IGF1: variants seen among roughly 807,000 people sequenced by gnomAD.
IGF1 encodes the protein insulin like growth factor 1.
IGF1 carries 4 observed loss-of-function variants against 13.8 expected under a neutral mutation model. The observed-to-expected ratio is 0.29, with a 90% CI of 0.14 to 0.66. The LOEUF is 0.66. Ranked by LOEUF, IGF1 falls within the 30% of genes least tolerant of loss-of-function variation. IGF1 has a pLI of 0.78. For missense variants in IGF1, 124 were observed against 188.5 expected, an observed-to-expected ratio of 0.66 and a Z score of 2.00; for synonymous variants, 76 against 72.6, an observed-to-expected ratio of 1.05 and a Z score of -0.23.
At chr12:102,406,789 GA>G (rs1565961231) in intron 3 of IGF1, among the ~76,000 whole-genome samples, 1 of 152,012 alleles carries the variant, frequency 6.6e-6, no homozygotes, top group East Asian at 1.9e-4. Flanking sequence ...GCTATCCACA[GA>G]CTTTTCAATT....
At chr12:102,403,885 A>G (rs574486827) in intron 3 of IGF1, among the ~76,000 whole-genome samples, 6 of 152,288 alleles carry the variant, frequency 3.9e-5, no homozygotes, top group African/African-American at 1.4e-4. Flanking sequence ...CAGGTGCTCA[A>G]TAAATATCTG....
intron 3 of IGF1, among the ~76,000 whole-genome samples, chr12:102,411,992 T>A (rs956122835): frequency 2.6e-5 from 4 of 152,160 alleles, no homozygotes; most frequent in African/African-American, 4.8e-5. Flanking sequence ...TTGTAATGGG[T>A]CAATAATTAG....
At chr12:102,480,773 G>A (rs559565782), upstream of IGF1, 5 of 358,100 alleles carry the variant, frequency 1.4e-5, no homozygotes, top group African/African-American at 4.1e-5. Context: ...AAGAATGTGT[G>A]TTAGTGACAG....
intron 2 of IGF1, among the ~76,000 whole-genome samples, chr12:102,438,506 A>G (rs1419414509): frequency 6.6e-6 from 1 of 152,260 alleles, no homozygotes; most frequent in East Asian, 1.9e-4. Context: ...CAAGTTCCAC[A>G]GTGAAGAAAT....
intron 1 of IGF1, among the ~76,000 whole-genome samples, chr12:102,478,046 T>TA (rs1881175566): frequency 6.6e-6 from 1 of 150,498 alleles, no homozygotes; most frequent in South Asian, 2.1e-4. Context: ...TCTCAGTACT[T>TA]ACAGTTCTAG....
chr12:102,449,508 C>T (rs1012078741), intron 2 of IGF1, among the ~76,000 whole-genome samples: 3 of 151,790 alleles, frequency 2.0e-5, no homozygotes, highest in Admixed American at 6.6e-5. Flanking sequence ...GAAACCTGCA[C>T]ATTCTGCACG....
chr12:102,468,266 C>G lies in IGF1; in HGVS notation c.220+7377G>C, dbSNP rs529909015. Among the ~76,000 whole-genome samples the G allele has an allele frequency of 1.1e-4, 16 of 152,304 alleles. No individual in the cohort carries two copies. In the South Asian group the frequency reaches 3.1e-3, roughly 30 times the overall value. ...CTGGTTGCACAATTTCTCTTTGTGT[C>G]TGTGCTGCTGATGATCAAATATTGC... On this transcript the variant is annotated intron_variant, in intron 2 of 3. Coordinates refer to ENST00000337514, the MANE Select transcript of IGF1 (RefSeq NM_000618.5).
chr12:102,430,049 C>T (rs1490444588), intron 2 of IGF1, among the ~76,000 whole-genome samples: 2 of 152,114 alleles, frequency 1.3e-5, no homozygotes, highest in Non-Finnish European at 2.9e-5. Flanking sequence ...TGCTTGTGGG[C>T]CATTTTATTT....
chr12:102,470,958 C>G (rs1188039131), intron 2 of IGF1, among the ~76,000 whole-genome samples: 2 of 152,170 alleles, frequency 1.3e-5, no homozygotes, highest in Admixed American at 6.5e-5. Flanking sequence ...AAGATGAGAA[C>G]TGTCAGTGGG....
chr12:102,465,504 G>C (rs1236323077), intron 2 of IGF1, among the ~76,000 whole-genome samples: 1 of 152,200 alleles, frequency 6.6e-6, no homozygotes, highest in Non-Finnish European at 1.5e-5. Flanking sequence ...TTGAATGACT[G>C]TGATAGGACT....
chr12:102,400,750 A>T lies in IGF1; in HGVS notation c.*1757T>A, dbSNP rs1873616905. 1 of 152,168 alleles carries T rather than the reference A, an allele frequency of 6.6e-6. No individual in the cohort carries two copies. Among genetic ancestry groups the T allele is most frequent in the Non-Finnish European group, 1.5e-5 (1 of 68,026 alleles). The allele number at this position is 152,168 out of a possible 1,614,324, so 9.4% of individuals were successfully genotyped here. A position where few individuals can be genotyped will look rare whatever the true frequency, so the allele number is the denominator to read the frequency against. ...ATAGTATTAAACGAGGTTTTACTAG[A>T]TATGTAGTAACTGCATAGAAGAGTC... On this transcript the variant is annotated 3_prime_UTR_variant, in exon 4 of 4. Transcript: ENST00000337514.
At chr12:102,463,765 G>T (rs1259807576) in intron 2 of IGF1, among the ~76,000 whole-genome samples, 1 of 152,212 alleles carries the variant, frequency 6.6e-6, no homozygotes, top group Admixed American at 6.5e-5. Context: ...GTTTATTGAG[G>T]TTAAGTTTAA....
chr12:102,444,293 T>C (rs1878127060), intron 2 of IGF1, among the ~76,000 whole-genome samples: 1 of 151,894 alleles, frequency 6.6e-6, no homozygotes, highest in Non-Finnish European at 1.5e-5. Flanking sequence ...GCAGTTCTTT[T>C]CTAGGAAATG....
intron 3 of IGF1, among the ~76,000 whole-genome samples, chr12:102,412,146 A>T (rs933745958): frequency 2.0e-5 from 3 of 152,110 alleles, no homozygotes; most frequent in Non-Finnish European, 4.4e-5. Context: ...TAAAAAGAAA[A>T]CCAACTTATT....
chr12:102,455,212 G>A (rs886438505), intron 2 of IGF1, among the ~76,000 whole-genome samples: 1 of 152,224 alleles, frequency 6.6e-6, no homozygotes, highest in Non-Finnish European at 1.5e-5. Context: ...CAAACTTAAA[G>A]CTGTTTGGCT....
intron 2 of IGF1, among the ~76,000 whole-genome samples, chr12:102,450,459 C>T (rs1878820957): frequency 6.6e-6 from 1 of 152,256 alleles, no homozygotes; most frequent in African/African-American, 2.4e-5. Flanking sequence ...TCGTACACTG[C>T]TCCACTTGGA....
chr12:102,404,903 G>T (rs1031369697), intron 3 of IGF1, among the ~76,000 whole-genome samples: 1 of 150,028 alleles, frequency 6.7e-6, no homozygotes, highest in Non-Finnish European at 1.5e-5. Flanking sequence ...GATTACAGAC[G>T]CCTGCCACCA....
Position 102,396,831 on chromosome 12 carries a change from TTG to T in IGF1, c.*5674_*5675del, listed in dbSNP as rs1165378593. The T allele has an allele frequency of 2.5e-6, 1 of 397,978 alleles. No individual in the cohort carries two copies. Among genetic ancestry groups the T allele is most frequent in the East Asian group, 3.6e-5 (1 of 28,064 alleles). The allele number at this position is 397,978 out of a possible 1,614,324, so 24.7% of individuals were successfully genotyped here. On this transcript the variant is annotated 3_prime_UTR_variant, in exon 4 of 4. Coordinates refer to ENST00000337514, the MANE Select transcript of IGF1 (RefSeq NM_000618.5). ...TAAAAAAGCTTGGATTTTTTTCCCC[TTG>T]AAAGACCCCATCAAAGATAGTTGAA...
intron 3 of IGF1, among the ~76,000 whole-genome samples, chr12:102,409,458 C>G (rs929164841): frequency 2.6e-5 from 4 of 152,144 alleles, no homozygotes; most frequent in African/African-American, 4.8e-5. Flanking sequence ...TTAATGGATG[C>G]GAATTTCCTG....
Sources: gnomAD v4.1 joint callset for allele counts (sites outside exome capture counted in the v4.1 genomes callset) on GRCh38, gnomAD v4.1.1 for gene constraint, MANE v1.5 for transcripts, NCBI Gene and HGNC (gene_info 2026-07-23, HGNC 2026-07-21) for gene names.